WDR70: variants seen among roughly 807,000 people sequenced by gnomAD.
WDR70 encodes WD repeat-containing protein 70.
WDR70 carries 53 observed loss-of-function variants against 88.6 expected under a neutral mutation model. The observed-to-expected ratio is 0.60, with a 90% CI of 0.48 to 0.75. WDR70 has a LOEUF of 0.75. Ranked by LOEUF, WDR70 falls within the 30% of genes least tolerant of loss-of-function variation. The probability of loss-of-function intolerance (pLI) is 0.00; values close to 1 mark genes in which losing one functional copy is unlikely to be tolerated. For missense variants in WDR70, 610 were observed against 823.2 expected, an observed-to-expected ratio of 0.74 and a Z score of 3.17; for synonymous variants, 280 against 270.0, an observed-to-expected ratio of 1.04 and a Z score of -0.36.
intron 8 of WDR70, among the ~76,000 whole-genome samples, chr5:37,505,457 T>C (rs556224723): frequency 1.3e-4 from 20 of 152,228 alleles, no homozygotes; most frequent in Non-Finnish European, 2.8e-4. Flanking sequence ...AAAGCAGCAA[T>C]ATCTAGTTTC....
At chr5:37,628,163 A>C (rs1254009534) in intron 10 of WDR70, among the ~76,000 whole-genome samples, 1 of 152,144 alleles carries the variant, frequency 6.6e-6, no homozygotes, top group Non-Finnish European at 1.5e-5. Flanking sequence ...GCCTCAAGTG[A>C]TCCTCTGCCT....
intron 8 of WDR70, among the ~76,000 whole-genome samples, chr5:37,493,157 G>A (rs1359289726): frequency 1.3e-5 from 2 of 152,056 alleles, no homozygotes; most frequent in African/African-American, 2.4e-5. Context: ...CTATTGCTCT[G>A]TAACAAATTA....
chr5:37,538,291 T>C (rs1362383302), intron 9 of WDR70, among the ~76,000 whole-genome samples: 2 of 152,238 alleles, frequency 1.3e-5, no homozygotes, highest in African/African-American at 4.8e-5. Flanking sequence ...ATGACCATGG[T>C]GTAGATAGCC....
At chr5:37,608,038 C>CA (rs1744083342) in intron 10 of WDR70, among the ~76,000 whole-genome samples, 3 of 100,622 alleles carry the variant, frequency 3.0e-5, no homozygotes, top group South Asian at 6.4e-4. Flanking sequence ...CTGCAACACT[C>CA]TTTTTTTTTT....
intron 17 of WDR70, among the ~76,000 whole-genome samples, chr5:37,742,369 A>G (rs548584497): frequency 1.8e-3 from 275 of 150,356 alleles, no homozygotes; most frequent in Non-Finnish European, 2.9e-3. Flanking sequence ...GCATCTTTTC[A>G]TGCACTTTCT....
chr5:37,659,201 G>A (rs10050392), intron 10 of WDR70, among the ~76,000 whole-genome samples: 16,102 of 152,096 alleles, frequency 0.11, 2,740 homozygotes, highest in African/African-American at 0.36. Context: ...AGATTTTAAG[G>A]TAGATACTTC....
At chr5:37,671,668 A>G (rs1010327787) in intron 10 of WDR70, among the ~76,000 whole-genome samples, 2 of 152,214 alleles carry the variant, frequency 1.3e-5, no homozygotes, top group Non-Finnish European at 2.9e-5. Context: ...CATTTTGACC[A>G]TTTTGAAGAC....
At chr5:37,611,877 A>G (rs1744202293) in intron 10 of WDR70, among the ~76,000 whole-genome samples, 1 of 150,872 alleles carries the variant, frequency 6.6e-6, no homozygotes, top group African/African-American at 2.4e-5. Flanking sequence ...TTCTGATTAT[A>G]GTCGATAAGT....
intron 9 of WDR70, among the ~76,000 whole-genome samples, chr5:37,539,779 A>C (rs975844747): frequency 6.6e-6 from 1 of 152,226 alleles, no homozygotes; most frequent in African/African-American, 2.4e-5. Flanking sequence ...ACATTAGTAC[A>C]TCACTAAACT....
intron 9 of WDR70, among the ~76,000 whole-genome samples, chr5:37,588,848 T>G (rs1480020368): frequency 6.6e-6 from 1 of 152,122 alleles, no homozygotes; most frequent in Non-Finnish European, 1.5e-5. Context: ...ATTGTAACCC[T>G]CTGCCTCCCA....
At chr5:37,563,190 TC>T (rs1313156520) in intron 9 of WDR70, among the ~76,000 whole-genome samples, 1 of 51,556 alleles carries the variant, frequency 1.9e-5, no homozygotes, top group Non-Finnish European at 4.6e-5. Context: ...CCCCCCCACC[TC>T]CCTCCTGGAC....
chr5:37,430,943 T>TCC (rs986071112), intron 5 of WDR70, among the ~76,000 whole-genome samples: 1 of 152,098 alleles, frequency 6.6e-6, no homozygotes, highest in African/African-American at 2.4e-5. Context: ...AACCTCTGCC[T>TCC]CCCGGGTTCA....
intron 5 of WDR70, among the ~76,000 whole-genome samples, chr5:37,414,354 A>G (rs1165088763): frequency 6.6e-6 from 1 of 151,926 alleles, no homozygotes; most frequent in Admixed American, 6.6e-5. Flanking sequence ...TTATTCCCGC[A>G]TGGAAACTTT....
intron 7 of WDR70, among the ~76,000 whole-genome samples, chr5:37,467,143 C>G (rs187754536): frequency 0.011 from 1,622 of 149,398 alleles, 22 homozygotes; most frequent in African/African-American, 0.037. Flanking sequence ...GGGAGAATTG[C>G]TTGAACCTGG....
intron 9 of WDR70, among the ~76,000 whole-genome samples, chr5:37,555,638 C>T (rs1742272929): frequency 6.6e-6 from 1 of 152,164 alleles, no homozygotes; most frequent in African/African-American, 2.4e-5. Context: ...TCACCTTTTC[C>T]CGCTTAACCT....
At chr5:37,706,716 T>TAC (rs58482881) in intron 13 of WDR70, among the ~76,000 whole-genome samples, 3,304 of 149,778 alleles carry the variant, frequency 0.022, 59 homozygotes, top group South Asian at 0.08. Context: ...AACAGAGTAA[T>TAC]ACACACACAC....
intron 7 of WDR70, among the ~76,000 whole-genome samples, chr5:37,472,738 A>G (rs1219823402): frequency 6.6e-6 from 1 of 152,016 alleles, no homozygotes. Context: ...GCCTCAAGTG[A>G]TCTGCCCACC....
intron 10 of WDR70, among the ~76,000 whole-genome samples, chr5:37,695,130 G>A (rs1746944810): frequency 6.6e-6 from 1 of 152,154 alleles, no homozygotes. Context: ...AGGCAAAGGG[G>A]GAGTGAGATA....
chr5:37,555,669 C>T (rs1156514990), intron 9 of WDR70, among the ~76,000 whole-genome samples: 1 of 152,034 alleles, frequency 6.6e-6, no homozygotes, highest in Non-Finnish European at 1.5e-5. Context: ...GCCCCTTTCC[C>T]TGCTGTGATA....
Sources: allele counts gnomAD v4.1 joint callset (sites outside exome capture counted in the v4.1 genomes callset), GRCh38; gene constraint gnomAD v4.1.1; transcripts MANE v1.5; gene names NCBI Gene and HGNC (gene_info 2026-07-23, HGNC 2026-07-21).